Variants in KCNH1 observed in about 807,000 individuals in gnomAD.
KCNH1 encodes potassium voltage-gated channel subfamily H member 1.
KCNH1 carries 27 observed loss-of-function variants against 69.2 expected under a neutral mutation model. The observed-to-expected ratio is 0.39, with a 90% CI of 0.29 to 0.54. KCNH1 has a LOEUF of 0.54. KCNH1 is among the 20% of genes least tolerant of loss of function. The pLI is 0.68. For synonymous variants in KCNH1, 456 were observed against 487.7 expected, an observed-to-expected ratio of 0.93 and a Z score of 0.86; for missense variants, 798 against 1,261.6, an observed-to-expected ratio of 0.63 and a Z score of 5.57.
chr1:211,119,782 A>G (rs1414017806), intron 1 of KCNH1, among the ~76,000 whole-genome samples: 1 of 152,238 alleles, frequency 6.6e-6, no homozygotes, highest in Non-Finnish European at 1.5e-5. Context: ...AAGAGATTCA[A>G]TAGTTATTTG....
chr1:211,030,597 A>T (rs1186001975), intron 5 of KCNH1, among the ~76,000 whole-genome samples: 1 of 152,180 alleles, frequency 6.6e-6, no homozygotes, highest in East Asian at 1.9e-4. Flanking sequence ...ATCTTATTTA[A>T]AAATTAACTC....
At chr1:210,707,720 C>A (rs1681948037) in intron 10 of KCNH1, among the ~76,000 whole-genome samples, 1 of 152,150 alleles carries the variant, frequency 6.6e-6, no homozygotes, top group Non-Finnish European at 1.5e-5. Flanking sequence ...TCTAAAAAGT[C>A]CCTCAGCACT....
intron 7 of KCNH1, among the ~76,000 whole-genome samples, chr1:210,848,643 G>A (rs1054663258): frequency 2.0e-5 from 3 of 152,102 alleles, no homozygotes; most frequent in Non-Finnish European, 2.9e-5. Context: ...ATAAATCTGC[G>A]AGATAGTTGG....
intron 1 of KCNH1, among the ~76,000 whole-genome samples, chr1:211,117,368 A>G (rs1162834544): frequency 1.3e-5 from 2 of 152,144 alleles, no homozygotes; most frequent in African/African-American, 2.4e-5. Flanking sequence ...ATTTGCTTCA[A>G]CCAACAGAAT....
At position 210,784,213 on chromosome 1, in the gene KCNH1, T is replaced by C. The variant is rs115087033; in HGVS notation, c.1916-8669A>G. ...TGATTTTGAACACTTAATAACTCTC[T>C]CACATGGGAGAAGAGTAGGTAAACA... On this transcript the variant is annotated intron_variant, in intron 9 of 10. Transcript: ENST00000271751. Among the ~76,000 whole-genome samples, 891 of 152,334 alleles carry C rather than the reference T, an allele frequency of 5.8e-3. 10 individuals are homozygous for C. Among genetic ancestry groups the C allele is most frequent in the African/African-American group, 0.02 (818 of 41,586 alleles).
At chr1:210,726,423 G>C (rs1365086074) in intron 10 of KCNH1, among the ~76,000 whole-genome samples, 1 of 152,206 alleles carries the variant, frequency 6.6e-6, no homozygotes. Flanking sequence ...AACCCTGCCA[G>C]GTTGGCATCT....
chr1:210,966,677 C>G (rs543963390), intron 6 of KCNH1, among the ~76,000 whole-genome samples: 1 of 152,180 alleles, frequency 6.6e-6, no homozygotes, highest in Non-Finnish European at 1.5e-5. Context: ...TACCATCTCA[C>G]GCCACTTAGA....
intron 7 of KCNH1, among the ~76,000 whole-genome samples, chr1:210,855,088 G>A (rs1249875550): frequency 6.6e-6 from 1 of 152,168 alleles, no homozygotes; most frequent in African/African-American, 2.4e-5. Flanking sequence ...TGGTATGAGT[G>A]TGAGAGAGTT....
intron 6 of KCNH1, among the ~76,000 whole-genome samples, chr1:210,987,268 C>T (rs1260756378): frequency 6.6e-6 from 1 of 152,116 alleles, no homozygotes; most frequent in Non-Finnish European, 1.5e-5. Flanking sequence ...CATCTGAAGC[C>T]TTCTTCTCTC....
chr1:210,744,326 A>C (rs1683099446), intron 10 of KCNH1, among the ~76,000 whole-genome samples: 1 of 152,202 alleles, frequency 6.6e-6, no homozygotes, highest in African/African-American at 2.4e-5. Context: ...TTCAAAGTGC[A>C]CCAGAATCAC....
intron 10 of KCNH1, among the ~76,000 whole-genome samples, chr1:210,747,869 C>A (rs1224904385): frequency 6.6e-6 from 1 of 152,090 alleles, no homozygotes; most frequent in Non-Finnish European, 1.5e-5. Flanking sequence ...CCTAGCTGCA[C>A]CATGTAATAA....
In KCNH1 at chr1:211,112,105, G is replaced by A. The variant is rs1343137329; in HGVS notation, c.80-4728C>T. On this transcript the variant is annotated intron_variant, in intron 1 of 10. Coordinates refer to ENST00000271751, the MANE Select transcript of KCNH1 (RefSeq NM_172362.3). Reference sequence around the variant, plus strand: ...CTGTACTGTCTGGGAAGTGAGGAGCGCCTCTGCCCAGCCACCTCACCGTCT... The same window carrying A: ...CTGTACTGTCTGGGAAGTGAGGAGCACCTCTGCCCAGCCACCTCACCGTCT... Among the ~76,000 whole-genome samples the A allele has an allele frequency of 2.0e-4, 26 of 131,672 alleles. 1 individual carries two copies. In the East Asian group the frequency reaches 3.1e-3, roughly 16 times the overall value. The allele number at this position is 131,672 out of a possible 152,430, so 86.4% of individuals were successfully genotyped here.
intron 6 of KCNH1, among the ~76,000 whole-genome samples, chr1:210,951,688 TA>T (rs1316850822): frequency 1.3e-5 from 2 of 152,158 alleles, no homozygotes; most frequent in African/African-American, 4.8e-5. Flanking sequence ...GTAATTTTAT[TA>T]AAATATCAAA....
chr1:210,953,069 T>C (rs1181948375), intron 6 of KCNH1, among the ~76,000 whole-genome samples: 1 of 152,182 alleles, frequency 6.6e-6, no homozygotes, highest in African/African-American at 2.4e-5. Flanking sequence ...ATCAAAGCTA[T>C]CAAATATCAA....
chr1:210,891,203 T>C (rs1407255908), intron 7 of KCNH1, among the ~76,000 whole-genome samples: 2 of 152,174 alleles, frequency 1.3e-5, no homozygotes, highest in African/African-American at 4.8e-5. Context: ...TGGAATACTA[T>C]GCAGCCATAA....
intron 6 of KCNH1, among the ~76,000 whole-genome samples, chr1:210,923,560 C>T (rs115532962): frequency 0.014 from 2,165 of 152,352 alleles, 24 homozygotes; most frequent in Middle Eastern, 0.037. Flanking sequence ...CACAACTGCA[C>T]GACTGTGCCT....
intron 6 of KCNH1, among the ~76,000 whole-genome samples, chr1:210,965,164 G>A (rs1271727452): frequency 6.6e-6 from 1 of 152,130 alleles, no homozygotes; most frequent in East Asian, 1.9e-4. Flanking sequence ...GCAAAAACTG[G>A]AAGCATTCCC....
chr1:210,929,992 A>G (rs1354389958), intron 6 of KCNH1, among the ~76,000 whole-genome samples: 1 of 152,212 alleles, frequency 6.6e-6, no homozygotes, highest in Non-Finnish European at 1.5e-5. Context: ...AAAGTCCTCT[A>G]CAATGAAAAC....
At chr1:210,756,058 C>T (rs1285621419) in intron 10 of KCNH1, among the ~76,000 whole-genome samples, 1 of 152,186 alleles carries the variant, frequency 6.6e-6, no homozygotes, top group Non-Finnish European at 1.5e-5. Context: ...TCATGGTGTA[C>T]TTTTGTTTGT....
Sources: allele counts gnomAD v4.1 joint callset (sites outside exome capture counted in the v4.1 genomes callset), GRCh38; gene constraint gnomAD v4.1.1; transcripts MANE v1.5; gene names NCBI Gene and HGNC (gene_info 2026-07-23, HGNC 2026-07-21).